LY96: variants seen among roughly 807,000 people sequenced by gnomAD.
The protein encoded by LY96 is lymphocyte antigen 96.
A neutral mutation model predicts 18.9 loss-of-function variants in LY96; 18 were observed. That is an observed-to-expected ratio of 0.95 (90% CI 0.66 to 1.41). The LOEUF (loss-of-function observed/expected upper bound fraction) is 1.41, where lower values mean the gene tolerates loss of function less well. LY96 is among the 40% of genes most tolerant of loss of function. LY96 has a pLI of 0.00. For synonymous variants in LY96, 66 were observed against 62.6 expected (o/e 1.06, Z -0.26); for missense variants, 175 against 182.4 (o/e 0.96, Z 0.23).
At chr8:74,006,643 C>A (rs79379286) in intron 2 of LY96, among the ~76,000 whole-genome samples, 1,934 of 152,310 alleles carry the variant, frequency 0.013, 146 homozygotes, top group Admixed American at 0.11. Flanking sequence ...CCTTCACTTT[C>A]CTGGCCAAAG....
At chr8:74,046,310 A>G in the LY96 span, among the ~76,000 whole-genome samples, 3 of 152,128 alleles carry the variant, frequency 2.0e-5, no homozygotes, top group Non-Finnish European at 4.4e-5. Flanking sequence ...TAACTAAGTG[A>G]CCAAGAATCT....
chr8:74,078,786 T>C, the LY96 span, among the ~76,000 whole-genome samples: 1 of 152,184 alleles, frequency 6.6e-6, no homozygotes, highest in Non-Finnish European at 1.5e-5. Context: ...TTCCTGGAAC[T>C]AGAAAAATTA....
chr8:74,037,434 G>C, the LY96 span, among the ~76,000 whole-genome samples: 43 of 152,018 alleles, frequency 2.8e-4, no homozygotes, highest in Non-Finnish European at 4.4e-4. Context: ...TTCAAGACCA[G>C]CCTGAGCAAC....
the LY96 span, among the ~76,000 whole-genome samples, chr8:74,074,463 A>G: frequency 1.1e-3 from 161 of 151,750 alleles, 2 homozygotes; most frequent in African/African-American, 3.8e-3. Flanking sequence ...GATGTTTTAT[A>G]TTGTTTTCAT....
At chr8:74,024,293 A>C (rs1816825146) in intron 3 of LY96, among the ~76,000 whole-genome samples, 1 of 151,410 alleles carries the variant, frequency 6.6e-6, no homozygotes, top group African/African-American at 2.4e-5. Context: ...TGTGATAAAT[A>C]CTCTCAAAGA....
intron 3 of LY96, among the ~76,000 whole-genome samples, chr8:74,024,890 C>T (rs987000934): frequency 3.9e-5 from 6 of 152,096 alleles, no homozygotes; most frequent in Admixed American, 3.3e-4. Context: ...TGAAGTGGCA[C>T]GAACACAGCT....
At chr8:74,034,808 G>A in the LY96 span, among the ~76,000 whole-genome samples, 1 of 152,092 alleles carries the variant, frequency 6.6e-6, no homozygotes, top group African/African-American at 2.4e-5. Context: ...GAAGGGGTGA[G>A]CATGTGAGAT....
the LY96 span, among the ~76,000 whole-genome samples, chr8:74,098,018 G>C: frequency 6.6e-6 from 1 of 152,198 alleles, no homozygotes; most frequent in Non-Finnish European, 1.5e-5. Flanking sequence ...TCACCAGTCA[G>C]ACCTCTAAGG....
At chr8:74,004,707 G>A in intron 1 of LY96, 89 bp from the exon 2 acceptor site, 1 of 1,214,898 alleles carries the variant, frequency 8.2e-7, no homozygotes, top group Admixed American at 2.3e-5. Context: ...TTTAATGCAA[G>A]ATTCATCTTA....
chr8:73,996,721 G>A (rs952975384), intron 1 of LY96, among the ~76,000 whole-genome samples: 3 of 150,292 alleles, frequency 2.0e-5, no homozygotes, highest in Admixed American at 6.7e-5. Context: ...GCCTGGTCCC[G>A]GCTAATTTTT....
At chr8:74,075,674 A>G in the LY96 span, among the ~76,000 whole-genome samples, 1,336 of 152,358 alleles carry the variant, frequency 8.8e-3, 13 homozygotes, top group African/African-American at 0.03. Flanking sequence ...TATTGTATTT[A>G]TCTTTAATTT....
chr8:74,093,036 C>T, the LY96 span, among the ~76,000 whole-genome samples: 2 of 152,236 alleles, frequency 1.3e-5, no homozygotes, highest in South Asian at 2.1e-4. Flanking sequence ...AAAAGCTTTC[C>T]TGCCCAGCCC....
At chr8:74,078,000 T>C in the LY96 span, among the ~76,000 whole-genome samples, 1 of 151,824 alleles carries the variant, frequency 6.6e-6, no homozygotes, top group African/African-American at 2.4e-5. Flanking sequence ...CTCAGCTACT[T>C]AGGAGGCTGA....
the LY96 span, among the ~76,000 whole-genome samples, chr8:74,099,127 A>G: frequency 6.6e-6 from 1 of 152,266 alleles, no homozygotes; most frequent in East Asian, 1.9e-4. Flanking sequence ...CTTTCCACAA[A>G]TTTACGTGTT....
chr8:74,049,925 G>C, the LY96 span, among the ~76,000 whole-genome samples: 1 of 152,212 alleles, frequency 6.6e-6, no homozygotes, highest in Non-Finnish European at 1.5e-5. Context: ...GGCTGAGGCA[G>C]GAGGGTGGCT....
At chr8:74,062,500 G>GT in the LY96 span, among the ~76,000 whole-genome samples, 909 of 152,124 alleles carry the variant, frequency 6.0e-3, 6 homozygotes, top group Non-Finnish European at 9.6e-3. Flanking sequence ...GCGGTCTTTG[G>GT]TTTTTTGTTC....
the LY96 span, among the ~76,000 whole-genome samples, chr8:74,079,149 G>A: frequency 6.6e-6 from 1 of 152,184 alleles, no homozygotes; most frequent in South Asian, 2.1e-4. Flanking sequence ...GAAAGGCGGA[G>A]GAAAGGTGAA....
At chr8:74,002,612 C>T (rs1816320476) in intron 1 of LY96, among the ~76,000 whole-genome samples, 1 of 146,406 alleles carries the variant, frequency 6.8e-6, no homozygotes, top group Non-Finnish European at 1.5e-5. Flanking sequence ...TGTTCTGTTG[C>T]CCAGGCTGGA....
the LY96 span, among the ~76,000 whole-genome samples, chr8:74,068,342 C>CT: frequency 6.6e-6 from 1 of 151,984 alleles, no homozygotes; most frequent in Non-Finnish European, 1.5e-5. Context: ...GAATTGTTAT[C>CT]TGTTATAAAG....
Sources: gnomAD v4.1 joint callset for allele counts (sites outside exome capture counted in the v4.1 genomes callset) on GRCh38, gnomAD v4.1.1 for gene constraint, MANE v1.5 for transcripts, NCBI Gene and HGNC (gene_info 2026-07-23, HGNC 2026-07-21) for gene names.